SLC35F1: variants seen among roughly 807,000 people sequenced by gnomAD.
SLC35F1 encodes the protein solute carrier family 35 member F1, also known as chromosome 6 open reading frame 169.
SLC35F1 carries 14 observed loss-of-function variants against 48.7 expected under a neutral mutation model. The ratio of observed to expected loss-of-function variants is 0.29; its 90% CI spans 0.19 to 0.45. SLC35F1 has a LOEUF of 0.45. Among genes scored for constraint, SLC35F1 ranks in the 20% least tolerant of loss-of-function variants. The probability of loss-of-function intolerance (pLI) is 1.00; values close to 1 mark genes in which losing one functional copy is unlikely to be tolerated. For synonymous variants in SLC35F1, 190 were observed against 202.2 expected, an observed-to-expected ratio of 0.94 and a Z score of 0.51; for missense variants, 404 against 500.0, an observed-to-expected ratio of 0.81 and a Z score of 1.83.
chr6:118,288,854 C>G (rs1189312032), intron 7 of SLC35F1, among the ~76,000 whole-genome samples: 1 of 152,068 alleles, frequency 6.6e-6, no homozygotes. Context: ...TCACTCACCC[C>G]TAGTGATAAC....
intron 1 of SLC35F1, among the ~76,000 whole-genome samples, chr6:117,959,415 A>T (rs1776466630): frequency 6.6e-6 from 1 of 152,164 alleles, no homozygotes; most frequent in Non-Finnish European, 1.5e-5. Context: ...TATGAGTGAG[A>T]CTTCCATGTT....
At chr6:118,277,648 G>A in intron 6 of SLC35F1, 102 bp downstream of exon 6, 1 of 979,204 alleles carries the variant, frequency 1.0e-6, no homozygotes, top group East Asian at 2.4e-5. Flanking sequence ...GGGATTTAGA[G>A]TGGTAGGGGA....
rs569905634 is a variant in SLC35F1, at chr6:118,314,503, G to A, written c.*251G>A. ...TCACAACTCCCCTGCATTCATTACT[G>A]TGAAAATTTTTGAATCAAAAGCAAG... On this transcript the variant is annotated 3_prime_UTR_variant, in exon 8 of 8. Transcript: ENST00000360388. 1.4e-5 allele frequency: 7 copies of A among 484,618 alleles called. No individual in the cohort carries two copies. The highest frequency in any genetic ancestry group is 9.5e-5 in the African/African-American group (5 of 52,546). The allele number at this position is 484,618 out of a possible 1,614,324, so 30.0% of individuals were successfully genotyped here. A position where few individuals can be genotyped will look rare whatever the true frequency, so the allele number is the denominator to read the frequency against.
intron 1 of SLC35F1, among the ~76,000 whole-genome samples, chr6:118,023,600 C>G (rs1777427022): frequency 6.6e-6 from 1 of 152,138 alleles, no homozygotes; most frequent in Non-Finnish European, 1.5e-5. Context: ...TATTTAAGGA[C>G]TGGCCCTCAC....
At chr6:118,053,301 A>G (rs1011466481) in intron 1 of SLC35F1, among the ~76,000 whole-genome samples, 2 of 152,170 alleles carry the variant, frequency 1.3e-5, no homozygotes, top group African/African-American at 4.8e-5. Context: ...ATTATTGTCT[A>G]AAAATGAGGG....
At chr6:118,106,746 A>G (rs1232339694) in intron 1 of SLC35F1, among the ~76,000 whole-genome samples, 1 of 152,200 alleles carries the variant, frequency 6.6e-6, no homozygotes, top group Non-Finnish European at 1.5e-5. Flanking sequence ...TCTGTAACCA[A>G]TAGGCTATGC....
chr6:118,038,024 C>G (rs1772159575), intron 1 of SLC35F1, among the ~76,000 whole-genome samples: 1 of 152,056 alleles, frequency 6.6e-6, no homozygotes, highest in Admixed American at 6.6e-5. Flanking sequence ...TATCCCAGAA[C>G]TTAAAGTAAA....
chr6:118,238,512 G>A (rs1296245026), intron 3 of SLC35F1, among the ~76,000 whole-genome samples: 1 of 151,844 alleles, frequency 6.6e-6, no homozygotes, highest in East Asian at 1.9e-4. Flanking sequence ...ATGATCTTCA[G>A]GATAGTTGGC....
In SLC35F1 at chr6:118,193,525, G is replaced by A. The variant is rs546773019; in HGVS notation, c.349+38905G>A. ...CAATCCTTTAACCCTCTAAACTTAG[G>A]CAAGAAAATCCACATTTTTATGCAT... is the stretch of plus-strand genomic sequence containing the variant. On this transcript the variant is annotated intron_variant, in intron 2 of 7. Transcript: ENST00000360388. Among the ~76,000 whole-genome samples the A allele has an allele frequency of 1.2e-4, 18 of 152,038 alleles. No individual in the cohort carries two copies. In the Middle Eastern group the frequency reaches 0.02, roughly 172 times the overall value.
chr6:118,044,601 T>C (rs1236583702), intron 1 of SLC35F1, among the ~76,000 whole-genome samples: 1 of 152,118 alleles, frequency 6.6e-6, no homozygotes, highest in Non-Finnish European at 1.5e-5. Flanking sequence ...GGGTCCAGCC[T>C]CAGAGTGGTC....
intron 1 of SLC35F1, among the ~76,000 whole-genome samples, chr6:117,992,901 T>C (rs1776937587): frequency 6.6e-6 from 1 of 152,234 alleles, no homozygotes; most frequent in Non-Finnish European, 1.5e-5. Flanking sequence ...GCAGATGGCA[T>C]TGGGCCATGC....
intron 2 of SLC35F1, among the ~76,000 whole-genome samples, chr6:118,163,815 T>A (rs1446072290): frequency 1.3e-5 from 2 of 152,200 alleles, no homozygotes; most frequent in Admixed American, 1.3e-4. Context: ...TTTACAATCA[T>A]CTTTCTCATG....
chr6:118,285,929 T>C (rs1252441006), intron 7 of SLC35F1, among the ~76,000 whole-genome samples: 1 of 152,220 alleles, frequency 6.6e-6, no homozygotes, highest in Admixed American at 6.5e-5. Context: ...AGTCCAAAGA[T>C]GTCAGCCTCT....
rs933527741 is a variant in SLC35F1, at chr6:118,027,276, A to T, written c.173+119377A>T. Reference sequence around the variant, plus strand: ...TTCATGTGCAGGCCTTTGCATGGACATATGTTTTCTTTTCTCTCTGGTAAA... The same window carrying T: ...TTCATGTGCAGGCCTTTGCATGGACTTATGTTTTCTTTTCTCTCTGGTAAA... On this transcript the variant is annotated intron_variant, in intron 1 of 7. Transcript: ENST00000360388. 2.0e-5 allele frequency among the ~76,000 whole-genome samples: 3 copies of T among 152,240 alleles called. No homozygotes were observed. In the South Asian group the frequency reaches 6.2e-4, roughly 32 times the overall value.
chr6:118,030,638 G>A (rs1772031721), intron 1 of SLC35F1, among the ~76,000 whole-genome samples: 1 of 152,108 alleles, frequency 6.6e-6, no homozygotes, highest in African/African-American at 2.4e-5. Context: ...TGGGAGAGAG[G>A]AGATGGAAAA....
chr6:118,171,217 T>G (rs1422103545), intron 2 of SLC35F1, among the ~76,000 whole-genome samples: 1 of 152,034 alleles, frequency 6.6e-6, no homozygotes, highest in African/African-American at 2.4e-5. Context: ...TTATATTTTT[T>G]GTAGAGACAG....
chr6:117,935,208 A>T (rs879669766), intron 1 of SLC35F1, among the ~76,000 whole-genome samples: 9 of 152,216 alleles, frequency 5.9e-5, no homozygotes, highest in Admixed American at 5.2e-4. Flanking sequence ...CATTGGACAG[A>T]TTTCTACTCT....
At chr6:117,948,370 C>T (rs929636653) in intron 1 of SLC35F1, among the ~76,000 whole-genome samples, 4 of 152,158 alleles carry the variant, frequency 2.6e-5, no homozygotes, top group Non-Finnish European at 5.9e-5. Flanking sequence ...TTACTTTACT[C>T]TGAGGTCAAG....
chr6:117,942,372 G>A (rs919623968), intron 1 of SLC35F1, among the ~76,000 whole-genome samples: 14 of 152,106 alleles, frequency 9.2e-5, no homozygotes, highest in African/African-American at 2.9e-4. Flanking sequence ...ACATCACTTC[G>A]TTATAGAATG....
Sources: gnomAD v4.1 joint callset for allele counts (sites outside exome capture counted in the v4.1 genomes callset) on GRCh38, gnomAD v4.1.1 for gene constraint, MANE v1.5 for transcripts, NCBI Gene and HGNC (gene_info 2026-07-23, HGNC 2026-07-21) for gene names.